Variants in KPNA3 observed in about 807,000 individuals in gnomAD.
KPNA3 encodes karyopherin subunit alpha 3, also known as importin subunit alpha-4.
A neutral mutation model predicts 73.8 loss-of-function variants in KPNA3; 13 were observed. The ratio of observed to expected loss-of-function variants is 0.18; its 90% CI spans 0.11 to 0.28. The LOEUF (loss-of-function observed/expected upper bound fraction) is 0.28, where lower values mean the gene tolerates loss of function less well. Among genes scored for constraint, KPNA3 ranks in the 10% least tolerant of loss-of-function variants. The pLI, the probability that KPNA3 is intolerant of heterozygous loss-of-function variation, is 1.00. For synonymous variants in KPNA3, 186 were observed against 206.9 expected (o/e 0.90, Z 0.87); for missense variants, 360 against 618.1 (o/e 0.58, Z 4.43).
chr13:49,754,026 G>A (rs1208689622), intron 1 of KPNA3, among the ~76,000 whole-genome samples: 2 of 152,236 alleles, frequency 1.3e-5, no homozygotes, highest in African/African-American at 4.8e-5. Flanking sequence ...GCCAGGTGCA[G>A]TGGCTCTCGC....
At chr13:49,707,943 T>A (rs533717225) in intron 12 of KPNA3, among the ~76,000 whole-genome samples, 1 of 152,074 alleles carries the variant, frequency 6.6e-6, no homozygotes. Flanking sequence ...GGTAGTATAT[T>A]AGGCAGATAA....
chr13:49,778,920 A>T (rs1954919653), intron 1 of KPNA3, among the ~76,000 whole-genome samples: 1 of 152,186 alleles, frequency 6.6e-6, no homozygotes, highest in Non-Finnish European at 1.5e-5. Context: ...AATTTTTGTT[A>T]AGTGTGTTAT....
Position 49,717,451 on chromosome 13 carries a change from A to AAAAC in KPNA3, c.771+2323_771+2324insGTTT, listed in dbSNP as rs1345469163. On this transcript the variant is annotated intron_variant, in intron 10 of 16. Transcript: ENST00000261667. ...TCTCGGAAAAAAAAGAAAAAAAAAA[A>AAAAC]AAAAAGAATCAAAGACTCTGCAAAT... is the stretch of plus-strand genomic sequence containing the variant. Among the ~76,000 whole-genome samples the AAAAC allele has an allele frequency of 2.0e-5, 3 of 151,468 alleles. No individual in the cohort carries two copies. In the East Asian group the frequency reaches 5.8e-4, roughly 29 times the overall value.
chr13:49,749,421 A>C (rs1397013759), intron 1 of KPNA3, among the ~76,000 whole-genome samples: 3 of 152,372 alleles, frequency 2.0e-5, no homozygotes, highest in East Asian at 3.8e-4. Flanking sequence ...GACTAGAAAT[A>C]CAGGCACCTC....
chr13:49,741,347 A>AT (rs1362845465), intron 2 of KPNA3, among the ~76,000 whole-genome samples: 1 of 152,168 alleles, frequency 6.6e-6, no homozygotes, highest in African/African-American at 2.4e-5. Context: ...GTAAGATGAT[A>AT]TCTCACAGTA....
In KPNA3 at chr13:49,792,513, G is replaced by C. The variant is rs764021146; in HGVS notation, c.-7C>G. The C allele has an allele frequency of 7.7e-6, 12 of 1,564,948 alleles. No homozygotes were observed. The highest frequency in any genetic ancestry group is 1.4e-5 in the African/African-American group (1 of 70,014). On this transcript the variant is annotated 5_prime_UTR_variant, in exon 1 of 17. Transcript: ENST00000261667. ...AGCTGGGGTTCTCGGCCATGGCTGC[G>C]CGCGGCTCCGGCGGCGGCTACTCCT... is the stretch of plus-strand genomic sequence containing the variant.
intron 1 of KPNA3, among the ~76,000 whole-genome samples, chr13:49,758,768 G>A (rs969418721): frequency 6.7e-6 from 1 of 148,374 alleles, no homozygotes; most frequent in African/African-American, 2.5e-5. Flanking sequence ...ACACACATAT[G>A]TTTATATACA....
chr13:49,778,112 C>T (rs906344006), intron 1 of KPNA3, among the ~76,000 whole-genome samples: 4 of 152,164 alleles, frequency 2.6e-5, no homozygotes, highest in East Asian at 3.8e-4. Flanking sequence ...TGATAGATGA[C>T]GCTTCAAAAT....
chr13:49,788,979 C>T (rs142051817), intron 1 of KPNA3, among the ~76,000 whole-genome samples: 4 of 152,182 alleles, frequency 2.6e-5, no homozygotes, highest in Admixed American at 6.5e-5. Context: ...ACAGCATCAT[C>T]AAATCCTCAT....
intron 16 of KPNA3, among the ~76,000 whole-genome samples, chr13:49,702,102 T>C (rs1222098524): frequency 6.6e-6 from 1 of 152,218 alleles, no homozygotes; most frequent in Non-Finnish European, 1.5e-5. Flanking sequence ...TAAGTTTCTG[T>C]ATCTGGGACC....
At chr13:49,709,551 T>A (rs1954240837) in intron 12 of KPNA3, 21 bp downstream of exon 12, 2 of 1,590,426 alleles carry the variant, frequency 1.3e-6, no homozygotes, top group Admixed American at 3.5e-5. Flanking sequence ...AATAGCATAA[T>A]GAGGACATTA....
Position 49,705,653 on chromosome 13 carries a change from C to T in KPNA3, c.1340G>A (p.Ser447Asn), listed in dbSNP as rs773285455. Reference sequence around the variant, plus strand: ...TTCCTCTATTATTTCAGCTATTGTGCTTGCTTCATCACCGGCCATTATCAG... The same window carrying T: ...TTCCTCTATTATTTCAGCTATTGTGTTTGCTTCATCACCGGCCATTATCAG... ...NILIMAGDEA[S>N]TIAEIIEECG... The change falls in exon 15 of 17, where the codon AGC becomes AAC. Residue 447 changes from serine to asparagine, a missense_variant. Physicochemically the swap from Ser to Asn is conservative, Grantham distance 46 (BLOSUM62 1). Transcript: ENST00000261667. The T allele has an allele frequency of 1.9e-6, 3 of 1,614,078 alleles. No homozygotes were observed. The highest frequency in any genetic ancestry group is 2.2e-5 in the East Asian group (1 of 44,852).
chr13:49,708,242 G>A (rs1487963577), intron 12 of KPNA3, among the ~76,000 whole-genome samples: 6 of 152,052 alleles, frequency 3.9e-5, no homozygotes, highest in African/African-American at 9.7e-5. Context: ...TGATCTGCCC[G>A]CCTCGGCCTC....
chr13:49,760,955 T>A (rs1187153374), intron 1 of KPNA3, among the ~76,000 whole-genome samples: 3 of 152,184 alleles, frequency 2.0e-5, no homozygotes, highest in African/African-American at 7.2e-5. Flanking sequence ...CTGCTGCCCT[T>A]TCCCCCCATG....
At position 49,737,946 on chromosome 13, in the gene KPNA3, T is replaced by C. The variant is rs185482636; in HGVS notation, c.115-4900A>G. 2.4e-3 allele frequency among the ~76,000 whole-genome samples: 359 copies of C among 152,344 alleles called. 2 individuals are homozygous for C. Among genetic ancestry groups the C allele is most frequent in the Non-Finnish European group, 3.8e-3 (257 of 68,032 alleles). The stretch of plus-strand genomic sequence containing the variant: ...AATCAGGTCCAATTTATCAATTGTT[T>C]CTTTTATGGATTAGGCTTTCGTGGC... On this transcript the variant is annotated intron_variant, in intron 2 of 16. Transcript: ENST00000261667.
intron 6 of KPNA3, 85 bp downstream of exon 6, chr13:49,732,286 C>A: frequency 1.7e-6 from 1 of 585,460 alleles, no homozygotes. Context: ...AAGTACAAAA[C>A]CAAACTGAAC....
rs1465664443 is a variant in KPNA3 at position 49,766,484 on chromosome 13, G to A, written c.70-19491C>T. ...CCTGTGTTTTATAATTTTGGATTAT[G>A]AACCTGTTCTCTTCCTGTGCTAGTG... On this transcript the variant is annotated intron_variant, in intron 1 of 16. Coordinates refer to ENST00000261667, the MANE Select transcript of KPNA3 (RefSeq NM_002267.4). 3.3e-5 allele frequency among the ~76,000 whole-genome samples: 5 copies of A among 152,102 alleles called. No individual in the cohort carries two copies. In the South Asian group the frequency reaches 1.0e-3, roughly 31 times the overall value.
In KPNA3 at chr13:49,778,933, T is replaced by A. The variant is rs951486587; in HGVS notation, c.69+13505A>T. Among the ~76,000 whole-genome samples the A allele has an allele frequency of 3.3e-5, 5 of 152,288 alleles. No homozygotes were observed. In the South Asian group the frequency reaches 1.0e-3, roughly 32 times the overall value. On this transcript the variant is annotated intron_variant, in intron 1 of 16. Transcript: ENST00000261667. ...AGAATTTTTGTTAAGTGTGTTATGA[T>A]AAAACACATAATTAAAAACAAGTGA...
At chr13:49,749,758 T>C (rs892325501) in intron 1 of KPNA3, among the ~76,000 whole-genome samples, 2 of 152,214 alleles carry the variant, frequency 1.3e-5, no homozygotes, top group African/African-American at 2.4e-5. Flanking sequence ...CGAAAGTATC[T>C]GTTACCCTCA....
Sources: allele counts gnomAD v4.1 joint callset (sites outside exome capture counted in the v4.1 genomes callset), GRCh38; gene constraint gnomAD v4.1.1; transcripts MANE v1.5; gene names NCBI Gene and HGNC (gene_info 2026-07-23, HGNC 2026-07-21).